The following NAA16 variants were observed in gnomAD, a reference collection of about 807,000 sequenced individuals.
NAA16 encodes N-alpha-acetyltransferase 16, NatA auxiliary subunit, also known as NARG1-like protein.
NAA16 carries 97 observed loss-of-function variants against 110.3 expected under a neutral mutation model. The ratio of observed to expected loss-of-function variants is 0.88; its 90% CI spans 0.75 to 1.04. The LOEUF is 1.04. NAA16 is among the 50% of genes least tolerant of loss of function. NAA16 has a pLI of 0.00. For synonymous variants in NAA16, 372 were observed against 330.6 expected, an observed-to-expected ratio of 1.13 and a Z score of -1.36; for missense variants, 1,017 against 1,005.1, an observed-to-expected ratio of 1.01 and a Z score of -0.16.
intron 9 of NAA16, among the ~76,000 whole-genome samples, chr13:41,340,770 G>A (rs1318651878): frequency 4.3e-5 from 6 of 140,122 alleles, no homozygotes; most frequent in Non-Finnish European, 3.0e-5. Context: ...TCCGCCTCCC[G>A]GGTTCACGCC....
intron 7 of NAA16, among the ~76,000 whole-genome samples, chr13:41,329,893 A>G (rs1278829041): frequency 6.6e-6 from 1 of 152,022 alleles, no homozygotes; most frequent in African/African-American, 2.4e-5. Context: ...TATAAAATGT[A>G]TTGATTACAA....
Position 41,358,319 on chromosome 13 carries a change from A to T in NAA16, c.1103A>T (p.Glu368Val). 6.2e-7 allele frequency: 1 copy of T among 1,613,328 alleles called. No individual in the cohort carries two copies. Among genetic ancestry groups the T allele is most frequent in the Non-Finnish European group, 8.5e-7 (1 of 1,179,536 alleles). Residue 368 changes from glutamate to valine, a missense_variant, in exon 11 of 20, where the codon GAA (glutamate) becomes GTA (valine). By Grantham distance (121) the Glu-to-Val change is moderately radical. Coordinates refer to ENST00000379406, the MANE Select transcript of NAA16 (RefSeq NM_024561.5). ...TTGATTGCAGAGAATGGGGAGAAGGAACCCCCGACAACACTACTCTGGGTT... is the reference window on the plus strand; with the variant it reads ...TTGATTGCAGAGAATGGGGAGAAGGTACCCCCGACAACACTACTCTGGGTT... ...FFSPYENGEK[E>V]PPTTLLWVQY...
At chr13:41,372,389 A>G (rs1264580199) in intron 16 of NAA16, 78 bp downstream of exon 16, 7 of 1,419,568 alleles carry the variant, frequency 4.9e-6, no homozygotes, top group Non-Finnish European at 6.5e-6. Flanking sequence ...TGTCAGATCT[A>G]TTTTTGTTTC....
intron 8 of NAA16, among the ~76,000 whole-genome samples, chr13:41,332,289 A>C (rs1437992974): frequency 6.6e-6 from 1 of 152,014 alleles, no homozygotes; most frequent in Non-Finnish European, 1.5e-5. Flanking sequence ...CACTTTCCCG[A>C]GTTTTGCTTT....
chr13:41,371,348 A>C (rs1172874045), intron 15 of NAA16, among the ~76,000 whole-genome samples: 1 of 152,230 alleles, frequency 6.6e-6, no homozygotes, highest in Admixed American at 6.5e-5. Flanking sequence ...AACAGTGGAA[A>C]GATTGGTACT....
intron 9 of NAA16, among the ~76,000 whole-genome samples, chr13:41,338,165 A>G (rs553486232): frequency 6.6e-6 from 1 of 152,292 alleles, no homozygotes; most frequent in South Asian, 2.1e-4. Context: ...GACAGAGAAG[A>G]AAGGTTAGAT....
At chr13:41,369,779 C>T (rs2139514923) in intron 15 of NAA16, among the ~76,000 whole-genome samples, 1 of 152,240 alleles carries the variant, frequency 6.6e-6, no homozygotes, top group Admixed American at 6.5e-5. Flanking sequence ...GGAGTGTGGG[C>T]AGTCTAGAGA....
At chr13:41,368,167 C>T (rs2043244228) in intron 14 of NAA16, among the ~76,000 whole-genome samples, 1 of 151,982 alleles carries the variant, frequency 6.6e-6, no homozygotes, top group Non-Finnish European at 1.5e-5. Flanking sequence ...CTTAAAATTT[C>T]TAGTTCCTAC....
chr13:41,362,021 T>C lies in NAA16; in HGVS notation c.1411-10T>C. ...TTTGCTCTCTATAGTTTTGAATGCTTCCATTTCAGGAAGGAACATCTGCCA... is the reference window on the plus strand; with the variant it reads ...TTTGCTCTCTATAGTTTTGAATGCTCCCATTTCAGGAAGGAACATCTGCCA... On this transcript the variant is annotated splice_polypyrimidine_tract_variant and intron_variant, in intron 12 of 19. Transcript: ENST00000379406. 6.2e-7 allele frequency: 1 copy of C among 1,610,274 alleles called. No homozygotes were observed. The highest frequency in any genetic ancestry group is 1.1e-5 in the South Asian group (1 of 90,186).
rs750850174 is a variant in NAA16, at chr13:41,325,860, G to A, written c.691+9G>A. 2 of 1,587,216 alleles carry A rather than the reference G, an allele frequency of 1.3e-6. No individual in the cohort carries two copies. The highest frequency in any genetic ancestry group is 3.6e-5 in the Admixed American group (2 of 55,214). The stretch of plus-strand genomic sequence containing the variant: ...GGTGGAAGAAATTAAAGGTAAGTTG[G>A]CTTGCCTTTTTTTAATAGCCTCAAA... On this transcript the variant is annotated intron_variant, in intron 6 of 19. Coordinates refer to ENST00000379406, the MANE Select transcript of NAA16 (RefSeq NM_024561.5).
intron 13 of NAA16, 71 bp from the exon 14 acceptor site, chr13:41,367,368 A>ATTT: frequency 9.7e-7 from 1 of 1,026,710 alleles, no homozygotes; most frequent in Admixed American, 2.7e-5. Flanking sequence ...GCTTTTTACA[A>ATTT]TTTTTTTTTT....
At chr13:41,344,771 C>T (rs1365824201) in intron 9 of NAA16, among the ~76,000 whole-genome samples, 2 of 152,088 alleles carry the variant, frequency 1.3e-5, no homozygotes, top group African/African-American at 4.8e-5. Flanking sequence ...ATAAAATTTA[C>T]CTATTAAAAG....
At chr13:41,345,567 G>GT (rs1325004350) in intron 9 of NAA16, among the ~76,000 whole-genome samples, 2 of 151,872 alleles carry the variant, frequency 1.3e-5, no homozygotes, top group Non-Finnish European at 2.9e-5. Context: ...TTTTTGTGGG[G>GT]TTTTTTTAGG....
At chr13:41,336,560 C>T in intron 8 of NAA16, 90 bp from the exon 9 acceptor site, 1 of 764,138 alleles carries the variant, frequency 1.3e-6, no homozygotes. Context: ...AGCATAATTG[C>T]TTCTGAGGGA....
chr13:41,359,310 G>C (rs950121494), intron 12 of NAA16, among the ~76,000 whole-genome samples: 1 of 152,092 alleles, frequency 6.6e-6, no homozygotes, highest in Non-Finnish European at 1.5e-5. Context: ...TTTTAATTCT[G>C]TCTTACTTTT....
intron 9 of NAA16, among the ~76,000 whole-genome samples, chr13:41,339,536 A>C (rs934110432): frequency 6.6e-6 from 1 of 151,984 alleles, no homozygotes; most frequent in Non-Finnish European, 1.5e-5. Flanking sequence ...GACAAATTCC[A>C]TAACTTTTTT....
At position 41,311,453 on chromosome 13, in the gene NAA16, G is replaced by C; in HGVS notation, c.-76G>C. 7.0e-7 allele frequency: 1 copy of C among 1,432,832 alleles called. No homozygotes were observed. Among genetic ancestry groups the C allele is most frequent in the Non-Finnish European group, 9.6e-7 (1 of 1,041,632 alleles). The allele number at this position is 1,432,832 out of a possible 1,614,324, so 88.8% of individuals were successfully genotyped here. On this transcript the variant is annotated 5_prime_UTR_variant, in exon 1 of 20. Transcript: ENST00000379406. ...CCGACTCTCAGCAGCGGTTCGTCCC[G>C]GTGCCCACCCCCGCGAAGCGGAGCG...
In NAA16 at chr13:41,311,461, C is replaced by G. The variant is rs2041553485; in HGVS notation, c.-68C>G. 1 of 1,482,098 alleles carries G rather than the reference C, an allele frequency of 6.7e-7. No individual in the cohort carries two copies. Among genetic ancestry groups the G allele is most frequent in the Admixed American group, 2.0e-5 (1 of 50,474 alleles). 91.8% of individuals were successfully genotyped at this position (1,482,098 alleles called of 1,614,324 possible). A position where few individuals can be genotyped will look rare whatever the true frequency, so the allele number is the denominator to read the frequency against. ...CAGCAGCGGTTCGTCCCGGTGCCCA[C>G]CCCCGCGAAGCGGAGCGCCCGGGCA... On this transcript the variant is annotated 5_prime_UTR_variant, in exon 1 of 20. Coordinates refer to ENST00000379406, the MANE Select transcript of NAA16 (RefSeq NM_024561.5).
chr13:41,370,344 A>G (rs189306347), intron 15 of NAA16, among the ~76,000 whole-genome samples: 68 of 152,304 alleles, frequency 4.5e-4, no homozygotes, highest in Non-Finnish European at 2.2e-4. Flanking sequence ...ATGTAGAAAA[A>G]AAGTGCTCTA....
Sources: allele counts gnomAD v4.1 joint callset (sites outside exome capture counted in the v4.1 genomes callset), GRCh38; gene constraint gnomAD v4.1.1; transcripts MANE v1.5; gene names NCBI Gene and HGNC (gene_info 2026-07-23, HGNC 2026-07-21).